Variants in LMO3 observed in about 807,000 individuals in gnomAD.
The protein encoded by LMO3 is LIM domain only protein 3.
Under a neutral mutation model 15.8 loss-of-function variants are expected in LMO3, and 2 were observed. The observed-to-expected ratio is 0.13, with a 90% confidence interval of 0.05 to 0.40. The LOEUF (loss-of-function observed/expected upper bound fraction) is 0.40. Among genes scored for constraint, LMO3 ranks in the 10% least tolerant of loss-of-function variants. The pLI is 0.99. For synonymous variants in LMO3, 62 were observed against 63.8 expected (o/e 0.97, Z 0.13); for missense variants, 86 against 182.2 (o/e 0.47, Z 3.04).
intron 2 of LMO3, among the ~76,000 whole-genome samples, chr12:16,595,767 A>G (rs530061420): frequency 4.0e-4 from 60 of 151,598 alleles, no homozygotes; most frequent in African/African-American, 1.4e-3. Context: ...TATGACAATA[A>G]TATGGTGTTT....
intron 2 of LMO3, among the ~76,000 whole-genome samples, chr12:16,562,947 T>C (rs1228433423): frequency 6.6e-6 from 1 of 152,180 alleles, no homozygotes; most frequent in Non-Finnish European, 1.5e-5. Context: ...GGATTCTGCA[T>C]ATGTGATTTT....
rs535409574 is a variant in LMO3, at chr12:16,596,114, C to A, written c.206+4541G>T. 6.6e-6 allele frequency among the ~76,000 whole-genome samples: 1 copy of A among 151,382 alleles called. No homozygotes were observed. The highest frequency in any genetic ancestry group is 1.9e-4 in the East Asian group (1 of 5,178). On this transcript the variant is annotated intron_variant, in intron 2 of 3. Coordinates refer to ENST00000537304, the MANE Select transcript of LMO3 (RefSeq NM_018640.5). This position sits in a 1 kb window ranked among gnomAD's most constrained non-coding sequence, Gnocchi z 4.3. The stretch of plus-strand genomic sequence containing the variant: ...ATTTAGAAGCACCAGGTTTGATCAG[C>A]GTGAGATAAAGTTACAGCTAGATTT...
chr12:16,600,176 C>G (rs1328159626), intron 2 of LMO3: 1 of 156,540 alleles, frequency 6.4e-6, no homozygotes, highest in African/African-American at 2.4e-5. Flanking sequence ...CAATTAAACT[C>G]TTTTACACAG....
At chr12:16,577,531 T>A (rs1943032118) in intron 2 of LMO3, among the ~76,000 whole-genome samples, 1 of 152,182 alleles carries the variant, frequency 6.6e-6, no homozygotes, top group South Asian at 2.1e-4. Context: ...GTACCTATTA[T>A]CAGCCAGATT....
intron 2 of LMO3, among the ~76,000 whole-genome samples, chr12:16,561,774 A>T (rs1942414774): frequency 6.6e-6 from 1 of 152,196 alleles, no homozygotes; most frequent in South Asian, 2.1e-4. Flanking sequence ...ATGGTTTCTA[A>T]GTGTCTGGCA....
chr12:16,603,209 A>C lies in LMO3; in HGVS notation c.-8-2341T>G, dbSNP rs1360978452. ...GCACTCAGAGGCCAATTAATATTTG[A>C]AACTCTTACATTCTGTTTGGCCTTG... is the stretch of plus-strand genomic sequence containing the variant. On this transcript the variant is annotated intron_variant, in intron 1 of 3. Transcript: ENST00000537304. This position sits in a 1 kb window ranked among gnomAD's most constrained non-coding sequence, Gnocchi z 4.9. Among the ~76,000 whole-genome samples the C allele has an allele frequency of 6.6e-6, 1 of 152,212 alleles. No individual in the cohort carries two copies. The highest frequency in any genetic ancestry group is 1.5e-5 in the Non-Finnish European group (1 of 68,040).
At chr12:16,605,106 G>C in intron 1 of LMO3, 1 of 1,435,364 alleles carries the variant, frequency 7.0e-7, no homozygotes, top group Non-Finnish European at 9.1e-7. Flanking sequence ...AAGACAGGGC[G>C]CACACACGGA....
intron 3 of LMO3, among the ~76,000 whole-genome samples, chr12:16,556,677 G>A (rs1780908771): frequency 6.6e-6 from 1 of 152,192 alleles, no homozygotes; most frequent in African/African-American, 2.4e-5. Flanking sequence ...TACTGGAAGT[G>A]GGATATGGGT....
chr12:16,592,930 TA>T (rs1272159260), intron 2 of LMO3, among the ~76,000 whole-genome samples: 1 of 151,908 alleles, frequency 6.6e-6, no homozygotes, highest in Non-Finnish European at 1.5e-5. Context: ...AACATTGTTC[TA>T]AAAGTTTTAG....
chr12:16,576,734 A>G lies in LMO3; in HGVS notation c.207-16196T>C, dbSNP rs1943007054. On this transcript the variant is annotated intron_variant, in intron 2 of 3. Transcript: ENST00000537304. This position sits in a 1 kb window ranked among gnomAD's most constrained non-coding sequence, Gnocchi z 4.1. ...TATAAATGGAAATTAACATTCTTGC[A>G]TTGTCCAACTATATAGACTGCATAC... 6.6e-6 allele frequency among the ~76,000 whole-genome samples: 1 copy of G among 152,228 alleles called. No individual in the cohort carries two copies.
At chr12:16,564,257 G>C (rs1441030589) in intron 2 of LMO3, among the ~76,000 whole-genome samples, 1 of 152,158 alleles carries the variant, frequency 6.6e-6, no homozygotes, top group African/African-American at 2.4e-5. Context: ...ACACTGTAGT[G>C]AGCATGCACA....
chr12:16,560,231 G>C lies in LMO3; in HGVS notation c.332+182C>G, dbSNP rs1020572114. ...TATGATGCTTTTCTTTCAGGTAGAA[G>C]TAAGTCTTAAGACCTTTCTTCTCCT... On this transcript the variant is annotated intron_variant, in intron 3 of 3. Transcript: ENST00000537304. The surrounding 1 kb of genome is among the most constrained non-coding windows in gnomAD (Gnocchi z 5.0). Among the ~76,000 whole-genome samples, 1 of 152,146 alleles carries C rather than the reference G, an allele frequency of 6.6e-6. No individual in the cohort carries two copies. Among genetic ancestry groups the C allele is most frequent in the Non-Finnish European group, 1.5e-5 (1 of 68,040 alleles).
At chr12:16,557,889 T>G (rs1209535566) in intron 3 of LMO3, among the ~76,000 whole-genome samples, 1 of 152,076 alleles carries the variant, frequency 6.6e-6, no homozygotes, top group Non-Finnish European at 1.5e-5. Context: ...CTTCTCACTA[T>G]AAATGTCACA....
rs1943886234 is a variant in LMO3, at chr12:16,603,328, C to T, written c.-8-2460G>A. On this transcript the variant is annotated intron_variant, in intron 1 of 3. Transcript: ENST00000537304. The surrounding 1 kb of genome is among the most constrained non-coding windows in gnomAD (Gnocchi z 4.9). ...TCTTGAAAATGGAATCTCTTGAATTCCATGCAAGTTAACAATTGTAGCAAA... is the reference window on the plus strand; with the variant it reads ...TCTTGAAAATGGAATCTCTTGAATTTCATGCAAGTTAACAATTGTAGCAAA... Among the ~76,000 whole-genome samples the T allele has an allele frequency of 6.6e-6, 1 of 152,130 alleles. No homozygotes were observed. The highest frequency in any genetic ancestry group is 2.4e-5 in the African/African-American group (1 of 41,436).
intron 2 of LMO3, among the ~76,000 whole-genome samples, chr12:16,595,178 A>G (rs1396675882): frequency 1.3e-5 from 2 of 151,478 alleles, no homozygotes; most frequent in Non-Finnish European, 3.0e-5. Flanking sequence ...ATAAAGATAC[A>G]GAAACATTAT....
intron 2 of LMO3, chr12:16,594,088 C>G: frequency 2.0e-6 from 3 of 1,514,770 alleles, no homozygotes; most frequent in Non-Finnish European, 2.7e-6. Flanking sequence ...GCAATATTAA[C>G]GAATTAGCTG....
rs1251242954 is a variant in LMO3 at position 16,560,976 on chromosome 12, T to C, written c.207-438A>G. On this transcript the variant is annotated intron_variant, in intron 2 of 3. Transcript: ENST00000537304. This position sits in a 1 kb window ranked among gnomAD's most constrained non-coding sequence, Gnocchi z 5.0. ...CATTTAGTTACTAAAAGGTTTGCCA[T>C]TATTATTAAAAATACATTTATGAAG... Among the ~76,000 whole-genome samples, 1 of 152,190 alleles carries C rather than the reference T, an allele frequency of 6.6e-6. No homozygotes were observed. Among genetic ancestry groups the C allele is most frequent in the Non-Finnish European group, 1.5e-5 (1 of 68,030 alleles).
chr12:16,602,290 T>G (rs1239430167), intron 1 of LMO3: 1 of 151,666 alleles, frequency 6.6e-6, no homozygotes, highest in African/African-American at 2.4e-5. Flanking sequence ...TGATATCTTA[T>G]GATGAAGGCT....
rs1943568411 is a variant in LMO3, at chr12:16,593,885, T to A, written c.206+6770A>T. ...GAAAAGGGAAATACATGGTTAATCA[T>A]CAAAACAAGTATATTATCATAGTAA... On this transcript the variant is annotated intron_variant, in intron 2 of 3. Coordinates refer to ENST00000537304, the MANE Select transcript of LMO3 (RefSeq NM_018640.5). The surrounding 1 kb of genome is among the most constrained non-coding windows in gnomAD (Gnocchi z 4.2). Among the ~76,000 whole-genome samples the A allele has an allele frequency of 6.6e-6, 1 of 151,704 alleles. No homozygotes were observed. Among genetic ancestry groups the A allele is most frequent in the South Asian group, 2.1e-4 (1 of 4,832 alleles).
Sources: gnomAD v4.1 joint callset for allele counts (sites outside exome capture counted in the v4.1 genomes callset) on GRCh38, gnomAD v4.1.1 for gene constraint, Gnocchi (gnomAD v3.1) non-coding constraint, MANE v1.5 for transcripts, NCBI Gene and HGNC (gene_info 2026-07-23, HGNC 2026-07-21) for gene names.